Variants in DSE observed in about 807,000 individuals in gnomAD.
DSE encodes the protein dermatan-sulfate epimerase.
In DSE, 36 loss-of-function variants were observed where a neutral mutation model predicts 84.4. The ratio of observed to expected loss-of-function variants is 0.43; its 90% CI spans 0.33 to 0.56. The LOEUF is 0.56. Ranked by LOEUF, DSE falls within the 20% of genes least tolerant of loss-of-function variation. The pLI is 0.06. For synonymous variants in DSE, 410 were observed against 430.1 expected, an observed-to-expected ratio of 0.95 and a Z score of 0.58; for missense variants, 862 against 1,169.6, an observed-to-expected ratio of 0.74 and a Z score of 3.84.
intron 2 of DSE, among the ~76,000 whole-genome samples, chr6:116,337,794 T>C (rs1421079774): frequency 8.2e-6 from 1 of 122,414 alleles, no homozygotes; most frequent in Non-Finnish European, 1.7e-5. Flanking sequence ...GTAAAATGAG[T>C]TTACATACTT....
chr6:116,403,211 C>G (rs1781708672), intron 2 of DSE, among the ~76,000 whole-genome samples: 1 of 152,024 alleles, frequency 6.6e-6, no homozygotes, highest in Admixed American at 6.6e-5. Context: ...AGAAGCTCTC[C>G]CCCGTTTCTC....
intron 2 of DSE, among the ~76,000 whole-genome samples, chr6:116,318,961 G>A (rs529904791): frequency 6.6e-5 from 10 of 152,134 alleles, no homozygotes; most frequent in South Asian, 2.1e-4. Flanking sequence ...TGCCCAAAAC[G>A]CTCTTTTTCT....
At position 116,426,722 on chromosome 6, in the gene DSE, T is replaced by C. The variant is rs753262692; in HGVS notation, c.565T>C (p.Tyr189His). 1.2e-6 allele frequency: 2 copies of C among 1,614,070 alleles called. No homozygotes were observed. Among genetic ancestry groups the C allele is most frequent in the Admixed American group, 3.3e-5 (2 of 59,996 alleles). The change falls in exon 3 of 6, where the codon TAT (tyrosine) becomes CAT (histidine). Residue 189 changes from tyrosine (Y) to histidine (H), a missense_variant. Transcript: ENST00000644252. ...GATTGCCAATGCCTCAGGGTATATG[T>C]ATGAAACTTCATACAGGAGAGGATG... ...EVIANASGYM[Y>H]ETSYRRGWGF...
At chr6:116,324,172 C>G (rs1423828976) in intron 2 of DSE, among the ~76,000 whole-genome samples, 2 of 152,222 alleles carry the variant, frequency 1.3e-5, no homozygotes, top group African/African-American at 4.8e-5. Flanking sequence ...AAAGCTATGT[C>G]TGCTAGTAGG....
chr6:116,421,632 C>T (rs1029193250), intron 2 of DSE, among the ~76,000 whole-genome samples: 1 of 151,094 alleles, frequency 6.6e-6, no homozygotes. Flanking sequence ...CCACCAGGCC[C>T]AGCTAATTTT....
chr6:116,281,664 A>G (rs2114644382), intron 2 of DSE, among the ~76,000 whole-genome samples: 1 of 152,392 alleles, frequency 6.6e-6, no homozygotes, highest in East Asian at 1.9e-4. Flanking sequence ...GCAAGAGGAC[A>G]TGATCATGGT....
intron 2 of DSE, among the ~76,000 whole-genome samples, chr6:116,281,507 C>T (rs967063063): frequency 6.6e-6 from 1 of 152,140 alleles, no homozygotes; most frequent in African/African-American, 2.4e-5. Flanking sequence ...CATGGCTTCC[C>T]GTGAGTTCCT....
At chr6:116,418,833 G>C (rs1364424916) in intron 2 of DSE, among the ~76,000 whole-genome samples, 1 of 152,160 alleles carries the variant, frequency 6.6e-6, no homozygotes, top group African/African-American at 2.4e-5. Context: ...CTGTTTAACT[G>C]TGTGGCTCTG....
At chr6:116,320,151 GAA>G (rs1318717830) in intron 2 of DSE, among the ~76,000 whole-genome samples, 1 of 152,154 alleles carries the variant, frequency 6.6e-6, no homozygotes, top group Admixed American at 6.5e-5. Context: ...AGATTTCACA[GAA>G]AGAATAGACA....
chr6:116,419,726 G>C (rs1447322490), intron 2 of DSE, among the ~76,000 whole-genome samples: 2 of 152,184 alleles, frequency 1.3e-5, no homozygotes, highest in Non-Finnish European at 2.9e-5. Context: ...TTTTTGTAAA[G>C]CTTGTTTCAT....
chr6:116,278,427 A>G (rs1466484006), intron 2 of DSE: 9 of 1,568,168 alleles, frequency 5.7e-6, no homozygotes, highest in Admixed American at 1.7e-5. Flanking sequence ...ACAAAGCACA[A>G]TAGAAGGCAT....
chr6:116,398,118 CTT>C (rs1267935326), intron 1 of DSE, among the ~76,000 whole-genome samples: 1 of 152,166 alleles, frequency 6.6e-6, no homozygotes, highest in Non-Finnish European at 1.5e-5. Flanking sequence ...ATAAAACTGT[CTT>C]TTTCTGGTCT....
At chr6:116,281,056 T>C (rs114999318) in intron 2 of DSE, among the ~76,000 whole-genome samples, 287 of 152,264 alleles carry the variant, frequency 1.9e-3, no homozygotes, top group African/African-American at 6.5e-3. Context: ...TTCTGGATTA[T>C]ACAGGTGGGC....
At chr6:116,332,435 T>G (rs1777007717) in intron 2 of DSE, among the ~76,000 whole-genome samples, 1 of 151,814 alleles carries the variant, frequency 6.6e-6, no homozygotes, top group Non-Finnish European at 1.5e-5. Flanking sequence ...ACTCAATTCT[T>G]TAAAATATGA....
intron 2 of DSE, among the ~76,000 whole-genome samples, chr6:116,290,864 A>G (rs951221917): frequency 2.0e-5 from 3 of 152,158 alleles, no homozygotes; most frequent in Non-Finnish European, 4.4e-5. Context: ...CCTCAGTGAA[A>G]TTGTTGATTG....
chr6:116,337,984 A>G lies in DSE; in HGVS notation c.-53-61214A>G, dbSNP rs532134847. Among the ~76,000 whole-genome samples the G allele has an allele frequency of 2.0e-5, 3 of 152,210 alleles. No individual in the cohort carries two copies. In the East Asian group the frequency reaches 5.8e-4, roughly 29 times the overall value. On this transcript the variant is annotated intron_variant, in intron 2 of 3. Coordinates refer to the DSE transcript ENST00000430252. ...ATTTGGTATGATTATGAAGACTATA[A>G]CTTCAGAAACTAGAAGAAATTTGCA...
chr6:116,418,916 G>C (rs933123598), intron 2 of DSE, among the ~76,000 whole-genome samples: 1 of 152,194 alleles, frequency 6.6e-6, no homozygotes, highest in African/African-American at 2.4e-5. Flanking sequence ...ATGTTGAGTT[G>C]AGAAGATGAA....
chr6:116,394,895 T>C (rs1477051770), intron 1 of DSE, among the ~76,000 whole-genome samples: 2 of 152,240 alleles, frequency 1.3e-5, no homozygotes, highest in Non-Finnish European at 2.9e-5. Context: ...CATCAGCTGC[T>C]GAGAGTCGCT....
At chr6:116,324,901 C>T (rs2114772699) in intron 2 of DSE, among the ~76,000 whole-genome samples, 1 of 152,288 alleles carries the variant, frequency 6.6e-6, no homozygotes, top group South Asian at 2.1e-4. Flanking sequence ...TTTAAGTTTT[C>T]TCTGAGTTTA....
Sources: allele counts gnomAD v4.1 joint callset (sites outside exome capture counted in the v4.1 genomes callset), GRCh38; gene constraint gnomAD v4.1.1; transcripts MANE v1.5; gene names NCBI Gene and HGNC (gene_info 2026-07-23, HGNC 2026-07-21).